Variants in EPHB1 observed in about 807,000 individuals in gnomAD.
EPHB1 encodes ephrin type-B receptor 1.
EPHB1 carries 30 observed loss-of-function variants against 94.4 expected under a neutral mutation model. The observed-to-expected ratio is 0.32, with a 90% CI of 0.24 to 0.43. The LOEUF (loss-of-function observed/expected upper bound fraction) is 0.43. Among genes scored for constraint, EPHB1 ranks in the 20% least tolerant of loss-of-function variants. EPHB1 has a pLI of 1.00. For synonymous variants in EPHB1, 522 were observed against 489.1 expected (o/e 1.07, Z -0.89); for missense variants, 1,055 against 1,308.3 (o/e 0.81, Z 2.99).
intron 3 of EPHB1, among the ~76,000 whole-genome samples, chr3:135,024,021 A>G (rs1203630120): frequency 3.9e-5 from 6 of 152,170 alleles, no homozygotes; most frequent in African/African-American, 1.4e-4. Flanking sequence ...TTTTGGGCCA[A>G]ACTGAAAAGG....
chr3:134,882,765 C>CCTTT (rs1553861896), intron 1 of EPHB1, among the ~76,000 whole-genome samples: 27 of 79,928 alleles, frequency 3.4e-4, no homozygotes, highest in African/African-American at 1.2e-3. Context: ...TTCCTTCCTT[C>CCTTT]CTTTCTTTCT....
At chr3:134,854,576 G>T (rs2108301098) in intron 1 of EPHB1, among the ~76,000 whole-genome samples, 1 of 152,162 alleles carries the variant, frequency 6.6e-6, no homozygotes, top group African/African-American at 2.4e-5. Flanking sequence ...CCTCTCCATG[G>T]GGCCCCATGG....
intron 9 of EPHB1, among the ~76,000 whole-genome samples, chr3:135,171,231 G>A (rs1380273388): frequency 6.6e-6 from 1 of 152,168 alleles, no homozygotes; most frequent in African/African-American, 2.4e-5. Flanking sequence ...AAATTCAAGA[G>A]GAATTGCAGA....
chr3:134,873,931 C>T (rs1560276548), intron 1 of EPHB1, among the ~76,000 whole-genome samples: 1 of 152,042 alleles, frequency 6.6e-6, no homozygotes, highest in African/African-American at 2.4e-5. Flanking sequence ...CTCAGGTTAG[C>T]AAGGAGAGAC....
intron 2 of EPHB1, among the ~76,000 whole-genome samples, chr3:134,948,329 TA>T (rs34196572): frequency 0.011 from 1,589 of 145,062 alleles, 12 homozygotes; most frequent in Non-Finnish European, 0.018. Context: ...AGCAGAACAG[TA>T]AAAAAAAAAA....
At chr3:134,938,408 G>C (rs547260864) in intron 2 of EPHB1, among the ~76,000 whole-genome samples, 1 of 152,202 alleles carries the variant, frequency 6.6e-6, no homozygotes, top group Admixed American at 6.5e-5. Context: ...TTCAGAGCTC[G>C]TGCCCTGCTG....
chr3:135,102,100 T>A (rs1939054067), intron 3 of EPHB1, among the ~76,000 whole-genome samples: 1 of 152,262 alleles, frequency 6.6e-6, no homozygotes, highest in African/African-American at 2.4e-5. Flanking sequence ...AAGGAACTCC[T>A]GAGTTTTGAA....
Position 135,197,594 on chromosome 3 carries a change from C to T in EPHB1, c.2131-3880C>T, listed in dbSNP as rs79375619. On this transcript the variant is annotated intron_variant, in intron 11 of 15. Transcript: ENST00000398015. Reference sequence around the variant, plus strand: ...AGAGTTTCATTTCCTGAAGTGGATTCGTCAATGAAAGTTGAAATACCTAAA... The same window carrying T: ...AGAGTTTCATTTCCTGAAGTGGATTTGTCAATGAAAGTTGAAATACCTAAA... Among the ~76,000 whole-genome samples, 5 of 152,282 alleles carry T rather than the reference C, an allele frequency of 3.3e-5. No homozygotes were observed. The East Asian group carries it at 9.6e-4, about 29-fold the overall frequency.
chr3:134,813,373 G>T (rs59937515), intron 1 of EPHB1, among the ~76,000 whole-genome samples: 8 of 152,200 alleles, frequency 5.3e-5, no homozygotes, highest in African/African-American at 1.9e-4. Flanking sequence ...GTACCTCCAT[G>T]GTGGTGGCAG....
chr3:135,172,905 C>T (rs1422737418), intron 9 of EPHB1, among the ~76,000 whole-genome samples: 2 of 152,248 alleles, frequency 1.3e-5, no homozygotes, highest in Non-Finnish European at 2.9e-5. Context: ...ATCATCAGCT[C>T]CTGCCCTTTG....
intron 1 of EPHB1, chr3:134,840,472 T>C (rs980901025): frequency 2.0e-5 from 3 of 152,066 alleles, no homozygotes; most frequent in African/African-American, 7.2e-5. Context: ...ATCGGCCAAA[T>C]AAAATCAATC....
chr3:135,241,808 C>T (rs1221722343), intron 13 of EPHB1, among the ~76,000 whole-genome samples: 1 of 152,122 alleles, frequency 6.6e-6, no homozygotes, highest in Non-Finnish European at 1.5e-5. Flanking sequence ...TGGAAAGGGC[C>T]CTTCTTCCTT....
intron 1 of EPHB1, among the ~76,000 whole-genome samples, chr3:134,865,572 G>A (rs778375163): frequency 2.6e-4 from 40 of 151,700 alleles, no homozygotes; most frequent in Non-Finnish European, 5.6e-4. Context: ...CAAAAGATTG[G>A]AAACAGCCCA....
In EPHB1 at chr3:134,795,370, T is replaced by C; in HGVS notation, c.-262T>C. 2.0e-6 allele frequency: 1 copy of C among 507,864 alleles called. No homozygotes were observed. The highest frequency in any genetic ancestry group is 3.4e-6 in the Non-Finnish European group (1 of 290,700). The allele number at this position is 507,864 out of a possible 1,614,324, so 31.5% of individuals were successfully genotyped here. On this transcript the variant is annotated 5_prime_UTR_variant, in exon 1 of 16. Transcript: ENST00000398015. ...GGCTCGTTCTCCCTCGCCCTCTCTC[T>C]CTCACACACGCACGCACACACCCAC...
intron 3 of EPHB1, among the ~76,000 whole-genome samples, chr3:135,046,390 A>C (rs1937000465): frequency 6.6e-6 from 1 of 152,224 alleles, no homozygotes; most frequent in South Asian, 2.1e-4. Flanking sequence ...TATCCATATC[A>C]ACCAGCACAG....
intron 2 of EPHB1, among the ~76,000 whole-genome samples, chr3:134,930,690 C>T (rs536723028): frequency 9.2e-5 from 14 of 152,334 alleles, no homozygotes; most frequent in Admixed American, 7.2e-4. Context: ...CAGGTCTGCT[C>T]CAGTTCCTAG....
intron 3 of EPHB1, among the ~76,000 whole-genome samples, chr3:135,079,621 G>T (rs1421557633): frequency 1.3e-5 from 2 of 152,134 alleles, no homozygotes; most frequent in African/African-American, 2.4e-5. Flanking sequence ...GCCGTCCTGA[G>T]CTCCCTCGTG....
intron 10 of EPHB1, among the ~76,000 whole-genome samples, chr3:135,188,768 A>G (rs1362959044): frequency 5.9e-5 from 9 of 152,210 alleles, no homozygotes; most frequent in Non-Finnish European, 5.9e-5. Context: ...TCAGGGGCCT[A>G]CTTAATTACA....
chr3:135,025,237 T>TTATTTATTATA, intron 3 of EPHB1, among the ~76,000 whole-genome samples: 1 of 106,168 alleles, frequency 9.4e-6, no homozygotes, highest in South Asian at 3.5e-4. Context: ...ATACTTTAAG[T>TTATTTATTATA]TTTAGGGTAC....
Sources: allele counts gnomAD v4.1 joint callset (sites outside exome capture counted in the v4.1 genomes callset), GRCh38; gene constraint gnomAD v4.1.1; transcripts MANE v1.5; gene names NCBI Gene and HGNC (gene_info 2026-07-23, HGNC 2026-07-21).